SAMD12: variants seen among roughly 807,000 people sequenced by gnomAD.
SAMD12 encodes the protein sterile alpha motif domain-containing protein 12.
Under a neutral mutation model 15.0 loss-of-function variants are expected in SAMD12, and 9 were observed. The observed-to-expected ratio is 0.60, with a 90% CI of 0.36 to 1.05. The LOEUF is 1.05. Ranked by LOEUF, SAMD12 falls within the 50% of genes least tolerant of loss-of-function variation. The pLI is 0.01. For synonymous variants in SAMD12, 86 were observed against 90.1 expected (o/e 0.96, Z 0.25); for missense variants, 230 against 234.2 (o/e 0.98, Z 0.12).
chr8:118,160,318 C>G, the SAMD12 span, among the ~76,000 whole-genome samples: 1 of 152,102 alleles, frequency 6.6e-6, no homozygotes, highest in African/African-American at 2.4e-5. Flanking sequence ...CCAAGTTGTT[C>G]TATAGATTCA....
intron 2 of SAMD12, among the ~76,000 whole-genome samples, chr8:118,564,406 G>A (rs754734501): frequency 2.0e-5 from 3 of 152,074 alleles, no homozygotes; most frequent in Non-Finnish European, 4.4e-5. Context: ...TACAAAATGG[G>A]GCACTAGAGA....
At chr8:118,176,225 C>T in the SAMD12 span, among the ~76,000 whole-genome samples, 3,663 of 152,134 alleles carry the variant, frequency 0.024, 58 homozygotes, top group South Asian at 0.075. Context: ...TGCTTGAACC[C>T]GGGAGGCGGA....
At chr8:118,454,580 C>A (rs1057119397) in intron 2 of SAMD12, among the ~76,000 whole-genome samples, 3 of 152,170 alleles carry the variant, frequency 2.0e-5, no homozygotes, top group Non-Finnish European at 4.4e-5. Flanking sequence ...AATATTGGAT[C>A]TTTCAAATTG....
At chr8:118,310,122 T>G (rs1273225980) in intron 4 of SAMD12, among the ~76,000 whole-genome samples, 1 of 152,222 alleles carries the variant, frequency 6.6e-6, no homozygotes, top group African/African-American at 2.4e-5. Flanking sequence ...CTTAGAATGT[T>G]TTTCTTCTAT....
chr8:118,259,630 G>A lies in SAMD12; in HGVS notation c.434-61898C>T, dbSNP rs554776450. On this transcript the variant is annotated intron_variant, in intron 4 of 4. Transcript: ENST00000409003. ...GAGGAGGCATCTCTGCATCCTATCT[G>A]TCCAGCACTTTTCACCTGTCAAGGT... Among the ~76,000 whole-genome samples the A allele has an allele frequency of 6.6e-5, 10 of 152,158 alleles. No homozygotes were observed. In the South Asian group the frequency reaches 2.1e-3, roughly 32 times the overall value.
At chr8:118,512,054 T>TC (rs1825105040) in intron 2 of SAMD12, among the ~76,000 whole-genome samples, 1 of 150,908 alleles carries the variant, frequency 6.6e-6, no homozygotes, top group African/African-American at 2.4e-5. Flanking sequence ...ATTTTTTTTT[T>TC]CACCTTTCAA....
chr8:118,489,832 T>A (rs1824391332), intron 2 of SAMD12, among the ~76,000 whole-genome samples: 1 of 152,190 alleles, frequency 6.6e-6, no homozygotes, highest in African/African-American at 2.4e-5. Context: ...CGAAATGAAG[T>A]AGCATGATTT....
chr8:118,451,198 G>C (rs184614450), intron 2 of SAMD12, among the ~76,000 whole-genome samples: 3 of 152,178 alleles, frequency 2.0e-5, no homozygotes, highest in Non-Finnish European at 4.4e-5. Flanking sequence ...TCATGCTTAC[G>C]TCATGATAGC....
intron 4 of SAMD12, among the ~76,000 whole-genome samples, chr8:118,264,234 C>G (rs1340755244): frequency 6.6e-6 from 1 of 152,058 alleles, no homozygotes; most frequent in Admixed American, 6.6e-5. Context: ...AGTACAAATA[C>G]TCATATATCC....
intron 3 of SAMD12, among the ~76,000 whole-genome samples, chr8:118,396,037 T>C (rs927278946): frequency 1.4e-4 from 22 of 152,288 alleles, no homozygotes; most frequent in South Asian, 4.1e-4. Context: ...GATTTGGTTA[T>C]AAAATGCTTC....
chr8:118,501,167 C>T (rs1466884387), intron 2 of SAMD12, among the ~76,000 whole-genome samples: 3 of 152,164 alleles, frequency 2.0e-5, no homozygotes, highest in Non-Finnish European at 4.4e-5. Context: ...CTTCCCTTTA[C>T]CTATTCTCTC....
intron 2 of SAMD12, among the ~76,000 whole-genome samples, chr8:118,536,196 A>C (rs1029858457): frequency 6.6e-6 from 1 of 151,966 alleles, no homozygotes. Flanking sequence ...AGGATACCAA[A>C]TATGTCCTCA....
chr8:118,501,798 C>T (rs1411409097), intron 2 of SAMD12, among the ~76,000 whole-genome samples: 2 of 152,156 alleles, frequency 1.3e-5, no homozygotes, highest in African/African-American at 4.8e-5. Flanking sequence ...AGGCGGATGA[C>T]GAGGTCAGGA....
chr8:118,232,887 G>T (rs1406646964), intron 4 of SAMD12, among the ~76,000 whole-genome samples: 1 of 152,146 alleles, frequency 6.6e-6, no homozygotes, highest in East Asian at 1.9e-4. Flanking sequence ...AGGTTTAACA[G>T]AAATGAACGG....
chr8:118,573,084 CTCTTT>C (rs772440095), intron 2 of SAMD12, among the ~76,000 whole-genome samples: 4 of 152,062 alleles, frequency 2.6e-5, no homozygotes, highest in South Asian at 2.1e-4. Context: ...TCAATTAAGC[CTCTTT>C]TCTTTTCTTT....
At chr8:118,574,698 T>G (rs1225044830) in intron 2 of SAMD12, among the ~76,000 whole-genome samples, 4 of 152,222 alleles carry the variant, frequency 2.6e-5, no homozygotes, top group Admixed American at 6.5e-5. Context: ...TCAATATACA[T>G]GTACTGGGGT....
At chr8:118,203,420 A>C (rs990853403) in intron 4 of SAMD12, among the ~76,000 whole-genome samples, 2 of 151,962 alleles carry the variant, frequency 1.3e-5, no homozygotes, top group African/African-American at 4.8e-5. Context: ...AGGGAGAGGC[A>C]GGTACTACTG....
At chr8:118,272,531 G>T (rs1334107237) in intron 4 of SAMD12, among the ~76,000 whole-genome samples, 2 of 152,220 alleles carry the variant, frequency 1.3e-5, no homozygotes, top group African/African-American at 4.8e-5. Flanking sequence ...CAGCTGGCTT[G>T]AATTTATCCC....
chr8:118,387,196 C>A (rs1055131077), intron 3 of SAMD12, among the ~76,000 whole-genome samples: 4 of 152,162 alleles, frequency 2.6e-5, no homozygotes, highest in East Asian at 3.9e-4. Flanking sequence ...ATTTTGGGAA[C>A]AAAGAAACAG....
Sources: allele counts gnomAD v4.1 joint callset (sites outside exome capture counted in the v4.1 genomes callset), GRCh38; gene constraint gnomAD v4.1.1; transcripts MANE v1.5; gene names NCBI Gene and HGNC (gene_info 2026-07-23, HGNC 2026-07-21).